Variants in NACC1 observed in about 807,000 individuals in gnomAD.
NACC1 encodes the protein nucleus accumbens associated 1.
Under a neutral mutation model 41.7 loss-of-function variants are expected in NACC1, and 6 were observed. That is an observed-to-expected ratio of 0.14 (90% CI 0.08 to 0.28). The LOEUF (loss-of-function observed/expected upper bound fraction) is 0.28. Among genes scored for constraint, NACC1 ranks in the 10% least tolerant of loss-of-function variants. The pLI, the probability that NACC1 is intolerant of heterozygous loss-of-function variation, is 1.00. For synonymous variants in NACC1, 338 were observed against 330.6 expected (o/e 1.02, Z -0.24); for missense variants, 434 against 763.7 (o/e 0.57, Z 5.09).
Position 13,138,523 on chromosome 19 carries a change from T to G in NACC1, c.*117T>G. 2.3e-5 allele frequency: 32 copies of G among 1,386,894 alleles called. No individual in the cohort carries two copies. The highest frequency in any genetic ancestry group is 7.6e-5 in the East Asian group (3 of 39,494). 85.9% of individuals were successfully genotyped at this position (1,386,894 alleles called of 1,614,324 possible). A position where few individuals can be genotyped will look rare whatever the true frequency, so the allele number is the denominator to read the frequency against. ...CAGGACCCGCGGTGGGTGCTGCATG[T>G]TCCCGGCCCTCTGCCCCTCCTGTCC... On this transcript the variant is annotated 3_prime_UTR_variant, in exon 6 of 6. Transcript: ENST00000292431. The surrounding 1 kb of genome is among the most constrained non-coding windows in gnomAD (Gnocchi z 5.7).
At chr19:13,124,285 A>G (rs2019535561) in intron 1 of NACC1, among the ~76,000 whole-genome samples, 1 of 152,118 alleles carries the variant, frequency 6.6e-6, no homozygotes, top group Admixed American at 6.6e-5. Context: ...CTGTAATCCT[A>G]GCTACTCAGG....
rs2019760160 is a variant in NACC1, at chr19:13,139,730, T to A, written c.*1324T>A. The A allele has an allele frequency of 6.6e-6, 1 of 152,556 alleles. No individual in the cohort carries two copies. The allele number at this position is 152,556 out of a possible 1,614,324, so 9.5% of individuals were successfully genotyped here. A position where few individuals can be genotyped will look rare whatever the true frequency, so the allele number is the denominator to read the frequency against. On this transcript the variant is annotated 3_prime_UTR_variant, in exon 6 of 6. Transcript: ENST00000292431. ...TCCACTTCCATTGTTAGCAGTTGTT[T>A]GCAGAATTTTCTCTTTTACCATTCC... is the stretch of plus-strand genomic sequence containing the variant.
chr19:13,120,924 C>T (rs966010985), intron 1 of NACC1, among the ~76,000 whole-genome samples: 7 of 152,190 alleles, frequency 4.6e-5, no homozygotes, highest in African/African-American at 1.4e-4. Flanking sequence ...GTAGGCAGCC[C>T]GTTGAGACAG....
intron 1 of NACC1, among the ~76,000 whole-genome samples, chr19:13,121,307 C>T (rs1204134635): frequency 3.9e-5 from 6 of 152,130 alleles, no homozygotes; most frequent in Admixed American, 6.5e-5. Flanking sequence ...AACATTTTGT[C>T]TTCATGAGGG....
chr19:13,123,155 C>A (rs1220245492), intron 1 of NACC1, among the ~76,000 whole-genome samples: 1 of 152,230 alleles, frequency 6.6e-6, no homozygotes, highest in Non-Finnish European at 1.5e-5. Flanking sequence ...TCCCTCCACC[C>A]TCCTTTGTGT....
chr19:13,122,546 G>A (rs1024156097), intron 1 of NACC1, among the ~76,000 whole-genome samples: 1 of 147,598 alleles, frequency 6.8e-6, no homozygotes, highest in Non-Finnish European at 1.5e-5. Flanking sequence ...GTGTGCTGCT[G>A]GCATCTAGTG....
Position 13,138,009 on chromosome 19 carries a change from A to T in NACC1, c.1325-138A>T. 1 of 1,238,176 alleles carries T rather than the reference A, an allele frequency of 8.1e-7. No individual in the cohort carries two copies. The highest frequency in any genetic ancestry group is 1.1e-6 in the Non-Finnish European group (1 of 881,886). 76.7% of individuals were successfully genotyped at this position (1,238,176 alleles called of 1,614,324 possible). On this transcript the variant is annotated intron_variant, in intron 5 of 5. Coordinates refer to ENST00000292431, the MANE Select transcript of NACC1 (RefSeq NM_052876.4). The surrounding 1 kb of genome is among the most constrained non-coding windows in gnomAD (Gnocchi z 5.7). ...GTCCGGTGTAGGGTTGGGTGCACGT[A>T]GTGTGGTGTCCTGGCCGCGTGGCCT...
chr19:13,129,811 C>T (rs1307665691), intron 1 of NACC1, among the ~76,000 whole-genome samples: 1 of 152,074 alleles, frequency 6.6e-6, no homozygotes, highest in Non-Finnish European at 1.5e-5. Flanking sequence ...ACCTTCCCAA[C>T]CCCCACATCT....
chr19:13,135,171 C>A, intron 1 of NACC1, 29 bp from the exon 2 acceptor site: 1 of 1,531,564 alleles, frequency 6.5e-7, no homozygotes, highest in Non-Finnish European at 8.8e-7. Context: ...CCGTCTCTGT[C>A]TCTCCATTCC....
At chr19:13,130,970 A>G (rs2019627791) in intron 1 of NACC1, among the ~76,000 whole-genome samples, 1 of 152,070 alleles carries the variant, frequency 6.6e-6, no homozygotes. Flanking sequence ...CCCTTCAGCT[A>G]CACCAGCTTT....
Position 13,140,358 on chromosome 19 carries a change from GCAGACCGGGGCTCCAGC to G in NACC1, c.*1959_*1975del, listed in dbSNP as rs1053382460. 6.6e-6 allele frequency: 1 copy of G among 150,428 alleles called. No individual in the cohort carries two copies. The allele number at this position is 150,428 out of a possible 1,614,324, so 9.3% of individuals were successfully genotyped here. ...GGCTGGGCCTGACGGAGGCCGAGGGGCAGACCGGGGCTCCAGCCAGACCCCTGAAAGGAAGGTGCTCC... is the reference window on the plus strand; with the variant it reads ...GGCTGGGCCTGACGGAGGCCGAGGGGCAGACCCCTGAAAGGAAGGTGCTCC... On this transcript the variant is annotated 3_prime_UTR_variant, in exon 6 of 6. Coordinates refer to ENST00000292431, the MANE Select transcript of NACC1 (RefSeq NM_052876.4). The surrounding 1 kb of genome is among the most constrained non-coding windows in gnomAD (Gnocchi z 4.0).
At chr19:13,132,619 T>C (rs1353641892) in intron 1 of NACC1, among the ~76,000 whole-genome samples, 3 of 152,048 alleles carry the variant, frequency 2.0e-5, no homozygotes, top group Admixed American at 1.3e-4. Flanking sequence ...GGGGAGCTCA[T>C]AGAAGTTGTG....
At position 13,122,530 on chromosome 19, in the gene NACC1, G is replaced by T. The variant is rs796943751; in HGVS notation, c.-9+4076G>T. Among the ~76,000 whole-genome samples the T allele has an allele frequency of 7.3e-4, 110 of 151,058 alleles. 4 individuals carry two copies. Among genetic ancestry groups the T allele is most frequent in the African/African-American group, 2.5e-3 (103 of 41,164 alleles). On this transcript the variant is annotated intron_variant, in intron 1 of 5. Transcript: ENST00000292431. ...ATTTTTGGTTGCCCCTGCCGGGGGG[G>T]GGGGGGTGTGCTGCTGGCATCTAGT...
At chr19:13,118,695 C>G (rs2019442767) in intron 1 of NACC1, among the ~76,000 whole-genome samples, 1 of 148,830 alleles carries the variant, frequency 6.7e-6, no homozygotes, top group African/African-American at 2.5e-5. Flanking sequence ...CGTCTCCCAG[C>G]GAGGGAGGGG....
At chr19:13,120,529 C>T (rs185790082) in intron 1 of NACC1, among the ~76,000 whole-genome samples, 34 of 152,300 alleles carry the variant, frequency 2.2e-4, no homozygotes, top group African/African-American at 7.7e-4. Context: ...CTATAGTTCC[C>T]AGGACACCCT....
Position 13,120,075 on chromosome 19 carries a change from C to T in NACC1, c.-9+1621C>T, listed in dbSNP as rs571674240. Among the ~76,000 whole-genome samples the T allele has an allele frequency of 2.9e-4, 44 of 152,328 alleles. 1 individual carries two copies. The highest frequency in any genetic ancestry group is 1.1e-3 in the African/African-American group (44 of 41,576). ...GGCGGGCGTTCTCCTCCGTCCAGGCCTTCCCTTCTGCTCACCCCGGGGGAT... is the reference window on the plus strand; with the variant it reads ...GGCGGGCGTTCTCCTCCGTCCAGGCTTTCCCTTCTGCTCACCCCGGGGGAT... On this transcript the variant is annotated intron_variant, in intron 1 of 5. Transcript: ENST00000292431.
intron 1 of NACC1, among the ~76,000 whole-genome samples, chr19:13,122,534 G>GC (rs1175630398): frequency 3.3e-5 from 5 of 150,646 alleles, no homozygotes; most frequent in Admixed American, 1.3e-4. Context: ...GGGGGGGGGG[G>GC]GGTGTGCTGC....
rs554538011 is a variant in NACC1 at position 13,137,855 on chromosome 19, G to A, written c.1324+280G>A. On this transcript the variant is annotated intron_variant, in intron 5 of 5. Coordinates refer to ENST00000292431, the MANE Select transcript of NACC1 (RefSeq NM_052876.4). The surrounding 1 kb of genome is among the most constrained non-coding windows in gnomAD (Gnocchi z 6.1). ...GGCAGCCAGACAGTGCTAGCCACTC[G>A]TCATGGGGGGCATCTAGATTTTCAA... Among the ~76,000 whole-genome samples, 11 of 152,312 alleles carry A rather than the reference G, an allele frequency of 7.2e-5. 1 individual carries two copies. Among genetic ancestry groups the A allele is most frequent in the African/African-American group, 2.2e-4 (9 of 41,568 alleles).
chr19:13,120,066 C>T (rs556235501), intron 1 of NACC1, among the ~76,000 whole-genome samples: 3 of 152,308 alleles, frequency 2.0e-5, no homozygotes, highest in Admixed American at 6.5e-5. Flanking sequence ...CGTTCTCCTC[C>T]GTCCAGGCCT....
Sources: allele counts gnomAD v4.1 joint callset (sites outside exome capture counted in the v4.1 genomes callset), GRCh38; gene constraint gnomAD v4.1.1; non-coding constraint Gnocchi (gnomAD v3.1); transcripts MANE v1.5; gene names NCBI Gene and HGNC (gene_info 2026-07-23, HGNC 2026-07-21).